ELOVL4: variants seen among roughly 807,000 people sequenced by gnomAD.
ELOVL4 encodes ELOVL fatty acid elongase 4, also known as very long chain fatty acid elongase 4.
A neutral mutation model predicts 42.1 loss-of-function variants in ELOVL4; 18 were observed. That is an observed-to-expected ratio of 0.43 (90% CI 0.30 to 0.63). The LOEUF is 0.63. Ranked by LOEUF, ELOVL4 falls within the 30% of genes least tolerant of loss-of-function variation. The pLI is 0.15. For synonymous variants in ELOVL4, 117 were observed against 127.0 expected (o/e 0.92, Z 0.53); for missense variants, 299 against 376.2 (o/e 0.79, Z 1.70).
rs752688335 is a variant in ELOVL4, at chr6:79,921,618, T to G, written c.541+7A>C. 3 of 1,613,770 alleles carry G rather than the reference T, an allele frequency of 1.9e-6. No individual in the cohort carries two copies. In the South Asian group the frequency reaches 3.3e-5, roughly 18 times the overall value. ...AACGCAAGCAGTATATTCCTGAAAATGCTCACCTTGTCCTCCTGCAACCCA... is the reference window on the plus strand; with the variant it reads ...AACGCAAGCAGTATATTCCTGAAAAGGCTCACCTTGTCCTCCTGCAACCCA... On this transcript the variant is annotated splice_region_variant and intron_variant, in intron 4 of 5. Coordinates refer to ENST00000369816, the MANE Select transcript of ELOVL4 (RefSeq NM_022726.4).
chr6:79,917,727 A>C (rs2127697745), intron 5 of ELOVL4, among the ~76,000 whole-genome samples: 1 of 152,352 alleles, frequency 6.6e-6, no homozygotes, highest in East Asian at 1.9e-4. Context: ...AGGCTGAAGC[A>C]GAAGAATAGC....
At chr6:79,921,536 G>C in intron 4 of ELOVL4, 89 bp downstream of exon 4, 1 of 872,590 alleles carries the variant, frequency 1.1e-6, no homozygotes, top group South Asian at 1.4e-5. Context: ...TTAAATGGTA[G>C]ATCAAGTCAA....
intron 1 of ELOVL4, among the ~76,000 whole-genome samples, chr6:79,945,917 T>C (rs1774732876): frequency 2.0e-5 from 3 of 152,226 alleles, no homozygotes; most frequent in South Asian, 4.1e-4. Flanking sequence ...AAAAAGAACA[T>C]ACTTTTCTAA....
Position 79,916,744 on chromosome 6 carries a change from T to A in ELOVL4, c.809A>T (p.Tyr270Phe). Residue 270 changes from tyrosine to phenylalanine, a missense_variant, in exon 6 of 6, where the codon TAC (tyrosine) becomes TTC (phenylalanine). Tyr to Phe is a conservative substitution (Grantham distance 22). Transcript: ENST00000369816. ...AGCTTTTGGTTTCTTAGGCTCTTTG[T>A]ATGTCCGAATGTAGAAGTTAAGAAA... Reference protein sequence around the residue: ...FLFLNFYIRTYKEPKKPKAGK... With the variant: ...FLFLNFYIRTFKEPKKPKAGK... 6.2e-7 allele frequency: 1 copy of A among 1,614,198 alleles called. No individual in the cohort carries two copies. The highest frequency in any genetic ancestry group is 8.5e-7 in the Non-Finnish European group (1 of 1,180,040).
intron 2 of ELOVL4, among the ~76,000 whole-genome samples, chr6:79,925,396 A>C (rs1391253630): frequency 1.3e-5 from 2 of 152,214 alleles, no homozygotes; most frequent in Non-Finnish European, 2.9e-5. Context: ...AATTAGGTAC[A>C]GGTATCCAAA....
At chr6:79,920,178 T>C (rs1490034660) in intron 4 of ELOVL4, among the ~76,000 whole-genome samples, 1 of 152,204 alleles carries the variant, frequency 6.6e-6, no homozygotes, top group African/African-American at 2.4e-5. Flanking sequence ...CTGTATTGTT[T>C]TAAACTGGGC....
At chr6:79,917,743 C>G (rs1216876721) in intron 5 of ELOVL4, among the ~76,000 whole-genome samples, 2 of 152,120 alleles carry the variant, frequency 1.3e-5, no homozygotes, top group African/African-American at 4.8e-5. Flanking sequence ...ATAGCTTGAA[C>G]CCAGGAGGCG....
chr6:79,918,048 C>A (rs1256253428), intron 5 of ELOVL4, among the ~76,000 whole-genome samples: 2 of 152,086 alleles, frequency 1.3e-5, no homozygotes, highest in Non-Finnish European at 2.9e-5. Context: ...GTTGTGGGAA[C>A]TTCTGGCTTG....
chr6:79,946,831 G>A (rs1257153556), intron 1 of ELOVL4, among the ~76,000 whole-genome samples: 1 of 152,160 alleles, frequency 6.6e-6, no homozygotes, highest in East Asian at 1.9e-4. Flanking sequence ...CGGGGAAGAG[G>A]GAGGCGAGCT....
chr6:79,929,311 G>A (rs778417774), intron 1 of ELOVL4, among the ~76,000 whole-genome samples: 21 of 151,900 alleles, frequency 1.4e-4, no homozygotes, highest in African/African-American at 3.1e-4. Flanking sequence ...CACGATCTCC[G>A]TCCACTGCAG....
chr6:79,946,367 C>A (rs1468376979), intron 1 of ELOVL4, among the ~76,000 whole-genome samples: 1 of 151,554 alleles, frequency 6.6e-6, no homozygotes, highest in Non-Finnish European at 1.5e-5. Flanking sequence ...AATTGACAGC[C>A]CTGCCAAATT....
rs535224309 is a variant in ELOVL4, at chr6:79,915,484, G to C, written c.*1124C>G. ...TTAATAAATAAGATCTTGCAACTTA[G>C]TCACAAGGAAAACGTTACTCCAAAA... On this transcript the variant is annotated 3_prime_UTR_variant, in exon 6 of 6. Coordinates refer to ENST00000369816, the MANE Select transcript of ELOVL4 (RefSeq NM_022726.4). 4 of 152,598 alleles carry C rather than the reference G, an allele frequency of 2.6e-5. No homozygotes were observed. Among genetic ancestry groups the C allele is most frequent in the African/African-American group, 9.6e-5 (4 of 41,530 alleles). The allele number at this position is 152,598 out of a possible 1,614,324, so 9.5% of individuals were successfully genotyped here. A position where few individuals can be genotyped will look rare whatever the true frequency, so the allele number is the denominator to read the frequency against.
chr6:79,945,002 AAAAAAAAAAG>A (rs1774713516), intron 1 of ELOVL4, among the ~76,000 whole-genome samples: 2 of 143,050 alleles, frequency 1.4e-5, no homozygotes, highest in Admixed American at 6.8e-5. Flanking sequence ...AAAAAAAAAA[AAAAAAAAAAG>A]GAACACGAGG....
Position 79,947,167 on chromosome 6 carries a change from T to C in ELOVL4, c.100+13A>G, listed in dbSNP as rs763149475. On this transcript the variant is annotated intron_variant, in intron 1 of 5. Transcript: ENST00000369816. ...GGGGGACCGAGCGAGGATGGGGAAGTCAGCGGCTTTACCTGCGATGGACCA... is the reference window on the plus strand; with the variant it reads ...GGGGGACCGAGCGAGGATGGGGAAGCCAGCGGCTTTACCTGCGATGGACCA... The C allele has an allele frequency of 5.6e-6, 9 of 1,608,224 alleles. No homozygotes were observed. The South Asian group carries it at 7.8e-5, about 14-fold the overall frequency.
chr6:79,926,198 C>T lies in ELOVL4; in HGVS notation c.284G>A (p.Arg95Lys). Residue 95 changes from arginine to lysine, a missense_variant, in exon 2 of 6, where the codon AGA becomes AAA. By Grantham distance (26) the Arg-to-Lys change is conservative (BLOSUM62 2). Transcript: ENST00000369816. ...AAAGTGATCTTAAAAACATACCTCT[C>T]TGAAGATAAAGAGGTTAAGCAAAAC... ...GMVLLNLFIF[R>K]ELFMGSYNAG... 1 of 1,609,988 alleles carries T rather than the reference C, an allele frequency of 6.2e-7. No individual in the cohort carries two copies. Among genetic ancestry groups the T allele is most frequent in the Non-Finnish European group, 8.5e-7 (1 of 1,176,538 alleles).
rs898315711 is a variant in ELOVL4, at chr6:79,915,431, C to G, written c.*1177G>C. 1 of 152,520 alleles carries G rather than the reference C, an allele frequency of 6.6e-6. No homozygotes were observed. The highest frequency in any genetic ancestry group is 6.5e-5 in the Admixed American group (1 of 15,268). The allele number at this position is 152,520 out of a possible 1,614,324, so 9.4% of individuals were successfully genotyped here. A position where few individuals can be genotyped will look rare whatever the true frequency, so the allele number is the denominator to read the frequency against. On this transcript the variant is annotated 3_prime_UTR_variant, in exon 6 of 6. Transcript: ENST00000369816. ...GCACCAAGGAGTCAAGAATATTGCA[C>G]CAAAATGGGTTTATACTTCATACCT...
chr6:79,939,849 G>A (rs1774617193), intron 1 of ELOVL4, among the ~76,000 whole-genome samples: 2 of 152,074 alleles, frequency 1.3e-5, no homozygotes, highest in South Asian at 4.1e-4. Flanking sequence ...GAACCATAAT[G>A]CCACATACAT....
At chr6:79,932,313 G>C (rs1039282329) in intron 1 of ELOVL4, among the ~76,000 whole-genome samples, 3 of 152,162 alleles carry the variant, frequency 2.0e-5, no homozygotes, top group Non-Finnish European at 4.4e-5. Flanking sequence ...GGCCGAGGCA[G>C]GCGAATCACT....
intron 1 of ELOVL4, among the ~76,000 whole-genome samples, chr6:79,935,316 T>C (rs987966850): frequency 6.6e-5 from 10 of 152,136 alleles, no homozygotes; most frequent in Admixed American, 2.0e-4. Flanking sequence ...ATGAACTATC[T>C]TCCCCAAGTA....
Sources: allele counts gnomAD v4.1 joint callset (sites outside exome capture counted in the v4.1 genomes callset), GRCh38; gene constraint gnomAD v4.1.1; transcripts MANE v1.5; gene names NCBI Gene and HGNC (gene_info 2026-07-23, HGNC 2026-07-21).